SCOC: variants seen among roughly 807,000 people sequenced by gnomAD.
The protein encoded by SCOC is short coiled-coil protein.
A neutral mutation model predicts 9.9 loss-of-function variants in SCOC; 7 were observed. The observed-to-expected ratio is 0.71, with a 90% CI of 0.40 to 1.33. The LOEUF (loss-of-function observed/expected upper bound fraction) is 1.33. Among genes scored for constraint, SCOC ranks in the 40% most tolerant of loss-of-function variants. The pLI is 0.01. For missense variants in SCOC, 66 were observed against 89.7 expected (o/e 0.74, Z 1.07); for synonymous variants, 19 against 28.2 (o/e 0.67, Z 1.03).
At position 140,381,991 on chromosome 4, in the gene SCOC, A is replaced by G. The variant is rs1728588492; in HGVS notation, c.*887A>G. The G allele has an allele frequency of 6.6e-6, 1 of 152,136 alleles. No individual in the cohort carries two copies. Among genetic ancestry groups the G allele is most frequent in the Non-Finnish European group, 1.5e-5 (1 of 67,996 alleles). The allele number at this position is 152,136 out of a possible 1,614,324, so 9.4% of individuals were successfully genotyped here. ...AGAGTAGATCTTTTGGGAAATATAT[A>G]TGAAAGTGGATTAAGTTTGACTACC... On this transcript the variant is annotated 3_prime_UTR_variant, in exon 4 of 4. Transcript: ENST00000608372.
chr4:140,267,667 A>G (rs1269917384), intron 1 of SCOC, among the ~76,000 whole-genome samples: 1 of 152,080 alleles, frequency 6.6e-6, no homozygotes, highest in Admixed American at 6.6e-5. Context: ...CTAAGGGTCC[A>G]GCCTCCACCC....
chr4:140,303,949 A>G (rs1404194487), intron 1 of SCOC, among the ~76,000 whole-genome samples: 1 of 152,218 alleles, frequency 6.6e-6, no homozygotes, highest in Non-Finnish European at 1.5e-5. Flanking sequence ...ATTCTAATGG[A>G]AAGTTTATTA....
At chr4:140,264,624 T>C (rs540423943) in intron 1 of SCOC, among the ~76,000 whole-genome samples, 4 of 152,278 alleles carry the variant, frequency 2.6e-5, no homozygotes, top group South Asian at 2.1e-4. Flanking sequence ...GATACTACTA[T>C]CATTTAGTGG....
chr4:140,268,122 C>T (rs193155483), intron 1 of SCOC, among the ~76,000 whole-genome samples: 1 of 152,200 alleles, frequency 6.6e-6, no homozygotes, highest in Non-Finnish European at 1.5e-5. Context: ...GAAGGATTCA[C>T]TAAAAGAGAG....
At chr4:140,352,648 A>G (rs1034349340) in intron 2 of SCOC, among the ~76,000 whole-genome samples, 3 of 152,360 alleles carry the variant, frequency 2.0e-5, no homozygotes, top group Non-Finnish European at 4.4e-5. Flanking sequence ...TTCAGTAAAC[A>G]AGCTTAAGAA....
intron 2 of SCOC, among the ~76,000 whole-genome samples, chr4:140,361,191 C>G (rs1727449474): frequency 6.6e-6 from 1 of 150,646 alleles, no homozygotes; most frequent in African/African-American, 2.4e-5. Context: ...ACTGTAATCA[C>G]CATTTCTGTC....
upstream of SCOC, among the ~76,000 whole-genome samples, chr4:140,340,278 C>T (rs1165547312): frequency 6.6e-6 from 1 of 151,680 alleles, no homozygotes; most frequent in Non-Finnish European, 1.5e-5. Context: ...GAAAGGGCAA[C>T]ATCACACACC....
intron 1 of SCOC, among the ~76,000 whole-genome samples, chr4:140,332,933 T>C (rs1027182366): frequency 6.6e-6 from 1 of 152,158 alleles, no homozygotes; most frequent in African/African-American, 2.4e-5. Context: ...CATCCTGCTA[T>C]AACCAGAAGC....
chr4:140,365,299 C>T (rs1042755338), intron 2 of SCOC, among the ~76,000 whole-genome samples: 4 of 152,004 alleles, frequency 2.6e-5, no homozygotes, highest in African/African-American at 9.7e-5. Context: ...TGCTTTCAAA[C>T]CAGTGCCACA....
chr4:140,345,198 G>A (rs1265318925), intron 2 of SCOC, among the ~76,000 whole-genome samples: 3 of 152,080 alleles, frequency 2.0e-5, no homozygotes, highest in Non-Finnish European at 4.4e-5. Flanking sequence ...AGTGAGCAAC[G>A]CTCTCTGGTT....
At chr4:140,287,610 C>T (rs1470892428) in intron 1 of SCOC, among the ~76,000 whole-genome samples, 1 of 151,752 alleles carries the variant, frequency 6.6e-6, no homozygotes, top group Non-Finnish European at 1.5e-5. Flanking sequence ...TATGTACACA[C>T]ACTACACACA....
chr4:140,353,925 T>A (rs1012022357), intron 2 of SCOC, among the ~76,000 whole-genome samples: 2 of 145,924 alleles, frequency 1.4e-5, no homozygotes, highest in African/African-American at 5.6e-5. Flanking sequence ...TCCATACACA[T>A]GTTTCATTGT....
intron 2 of SCOC, among the ~76,000 whole-genome samples, chr4:140,356,137 C>T (rs1727220338): frequency 6.6e-6 from 1 of 152,152 alleles, no homozygotes; most frequent in South Asian, 2.1e-4. Flanking sequence ...GTAAAGGAGA[C>T]ACGGCACAAA....
upstream of SCOC, among the ~76,000 whole-genome samples, chr4:140,339,752 T>C (rs1726428925): frequency 6.6e-6 from 1 of 152,124 alleles, no homozygotes; most frequent in South Asian, 2.1e-4. Flanking sequence ...CACAATGAGA[T>C]ACCATCTCAC....
intron 1 of SCOC, among the ~76,000 whole-genome samples, chr4:140,327,847 G>C (rs1356002406): frequency 1.3e-5 from 2 of 152,168 alleles, no homozygotes; most frequent in Non-Finnish European, 2.9e-5. Flanking sequence ...GGCTGGACTA[G>C]GACTGTATCA....
At chr4:140,271,233 G>A (rs1031692268) in intron 1 of SCOC, among the ~76,000 whole-genome samples, 4 of 152,146 alleles carry the variant, frequency 2.6e-5, no homozygotes, top group Non-Finnish European at 5.9e-5. Flanking sequence ...TTGCTGGGTG[G>A]GTCTTGAAAG....
rs560985115 is a variant in SCOC, at chr4:140,383,196, G to T, written c.*2092G>T. ...TTCCAGCTATAAATACAAGATTTTG[G>T]TGGCTGCTAGCAGCCTCAGCCACAG... On this transcript the variant is annotated 3_prime_UTR_variant, in exon 4 of 4. Transcript: ENST00000608372. 6.6e-6 allele frequency: 1 copy of T among 152,240 alleles called. No homozygotes were observed. Among genetic ancestry groups the T allele is most frequent in the East Asian group, 1.9e-4 (1 of 5,162 alleles). 9.4% of individuals were successfully genotyped at this position (152,240 alleles called of 1,614,324 possible).
Position 140,381,219 on chromosome 4 carries a change from A to T in SCOC, c.*115A>T, listed in dbSNP as rs1258914068. The stretch of plus-strand genomic sequence containing the variant: ...GGCTTCATTGAATATTTATGAAGAT[A>T]ATGTCAGATGTAGACAAAAATAACA... On this transcript the variant is annotated 3_prime_UTR_variant, in exon 4 of 4. Transcript: ENST00000608372. 2 of 1,017,442 alleles carry T rather than the reference A, an allele frequency of 2.0e-6. No individual in the cohort carries two copies. The highest frequency in any genetic ancestry group is 2.7e-4 in the Middle Eastern group (1 of 3,772). 63.0% of individuals were successfully genotyped at this position (1,017,442 alleles called of 1,614,324 possible).
chr4:140,310,858 A>C (rs1478127331), intron 1 of SCOC, among the ~76,000 whole-genome samples: 4 of 152,216 alleles, frequency 2.6e-5, no homozygotes, highest in African/African-American at 9.7e-5. Context: ...CTCTGCTTCC[A>C]GGGCCAGGTC....
Sources: gnomAD v4.1 joint callset for allele counts (sites outside exome capture counted in the v4.1 genomes callset) on GRCh38, gnomAD v4.1.1 for gene constraint, MANE v1.5 for transcripts, NCBI Gene and HGNC (gene_info 2026-07-23, HGNC 2026-07-21) for gene names.